Variants in ELP4 observed in about 807,000 individuals in gnomAD.
The protein encoded by ELP4 is elongator complex protein 4.
Under a neutral mutation model 48.9 loss-of-function variants are expected in ELP4, and 51 were observed. That is an observed-to-expected ratio of 1.04 (90% CI 0.83 to 1.32). The LOEUF (loss-of-function observed/expected upper bound fraction) is 1.32, where lower values mean the gene tolerates loss of function less well. Ranked by LOEUF, ELP4 falls within the 40% of genes most tolerant of loss-of-function variation. The pLI, the probability that ELP4 is intolerant of heterozygous loss-of-function variation, is 0.00. For missense variants in ELP4, 519 were observed against 514.6 expected (o/e 1.01, Z -0.08); for synonymous variants, 210 against 189.2 (o/e 1.11, Z -0.90).
intron 6 of ELP4, among the ~76,000 whole-genome samples, chr11:31,630,662 G>A (rs191908567): frequency 3.5e-4 from 54 of 152,146 alleles, no homozygotes; most frequent in Admixed American, 3.0e-3. Flanking sequence ...AAAACTGGCT[G>A]GATGCAGTAT....
intron 3 of ELP4, among the ~76,000 whole-genome samples, chr11:31,594,520 T>C (rs1212716712): frequency 6.6e-6 from 1 of 152,122 alleles, no homozygotes; most frequent in African/African-American, 2.4e-5. Context: ...GCAATTGATT[T>C]TTGTGAGTAT....
rs766021404 is a variant in ELP4, at chr11:31,783,406, C to A, written c.1157C>A (p.Pro386His). 4 of 1,613,178 alleles carry A rather than the reference C, an allele frequency of 2.5e-6. No individual in the cohort carries two copies. The change falls in exon 10 of 10, where the codon CCT becomes CAT. Residue 386 changes from proline (P) to histidine (H), a missense_variant. Pro to His is a moderately conservative substitution (Grantham distance 77, BLOSUM62 -2). Coordinates refer to ENST00000640961, the MANE Select transcript of ELP4 (RefSeq NM_019040.5). ...KLFTIERLHL[P>H]PDLSDTVSRS... ...CTTCTGCCATAGCGACTGCATTTGC[C>A]TCCAGACTTGTCAGACACAGTGAGC...
intron 9 of ELP4, among the ~76,000 whole-genome samples, chr11:31,672,888 C>A (rs2134109469): frequency 6.6e-6 from 1 of 152,250 alleles, no homozygotes; most frequent in Admixed American, 6.5e-5. Flanking sequence ...AAATGACTTC[C>A]ATATAAGTTG....
At chr11:31,632,433 A>G (rs759353093) in intron 7 of ELP4, 28 bp downstream of exon 7, 1 of 1,570,326 alleles carries the variant, frequency 6.4e-7, no homozygotes, top group South Asian at 1.2e-5. Context: ...CTACTTTTTC[A>G]TAATTCATAG....
intron 9 of ELP4, among the ~76,000 whole-genome samples, chr11:31,778,571 A>G (rs1948297035): frequency 6.6e-6 from 1 of 152,254 alleles, no homozygotes; most frequent in African/African-American, 2.4e-5. Context: ...AAATTAGTGT[A>G]GAACTTGATA....
intron 7 of ELP4, among the ~76,000 whole-genome samples, chr11:31,644,571 G>A (rs1437461235): frequency 1.3e-5 from 2 of 151,746 alleles, no homozygotes; most frequent in Admixed American, 1.3e-4. Flanking sequence ...ATTATCCATA[G>A]TGTATTCCTG....
chr11:31,635,982 T>G (rs546358565), intron 7 of ELP4, among the ~76,000 whole-genome samples: 6 of 152,084 alleles, frequency 3.9e-5, no homozygotes, highest in African/African-American at 1.2e-4. Flanking sequence ...ACAAGACTCT[T>G]TAAACATCAT....
At chr11:31,521,876 T>G (rs1430690843) in intron 2 of ELP4, among the ~76,000 whole-genome samples, 1 of 152,170 alleles carries the variant, frequency 6.6e-6, no homozygotes, top group Non-Finnish European at 1.5e-5. Flanking sequence ...ATTTAATCAT[T>G]TTGGTCCTGT....
intron 2 of ELP4, among the ~76,000 whole-genome samples, chr11:31,527,407 C>T (rs1410150575): frequency 6.6e-6 from 1 of 151,890 alleles, no homozygotes; most frequent in African/African-American, 2.4e-5. Flanking sequence ...AACATTTCCT[C>T]CTAAATATCT....
At chr11:31,539,563 G>T in intron 2 of ELP4, 99 bp from the exon 3 acceptor site, 1 of 1,280,120 alleles carries the variant, frequency 7.8e-7, no homozygotes, top group Non-Finnish European at 1.1e-6. Context: ...TTGTTTTAAG[G>T]AAAAAAAATA....
intron 9 of ELP4, among the ~76,000 whole-genome samples, chr11:31,689,829 T>A (rs1225518128): frequency 6.6e-6 from 1 of 152,066 alleles, no homozygotes; most frequent in African/African-American, 2.4e-5. Context: ...ATAATTAGCA[T>A]CTTTCTCATA....
chr11:31,688,811 T>C (rs1198696693), intron 9 of ELP4, among the ~76,000 whole-genome samples: 1 of 152,182 alleles, frequency 6.6e-6, no homozygotes, highest in Non-Finnish European at 1.5e-5. Context: ...AACTTTTACA[T>C]ACATATTAGA....
chr11:31,745,105 CAGAG>C (rs1371333109), intron 9 of ELP4, among the ~76,000 whole-genome samples: 2 of 152,216 alleles, frequency 1.3e-5, no homozygotes, highest in Admixed American at 6.5e-5. Context: ...AACAGACAAA[CAGAG>C]AGCCAAATCA....
intron 8 of ELP4, chr11:31,649,337 A>G (rs1945273632): frequency 6.6e-6 from 1 of 151,672 alleles, no homozygotes; most frequent in African/African-American, 2.4e-5. Flanking sequence ...AAGCTGAGTC[A>G]GGCAGAAAGA....
intron 9 of ELP4, 85 bp from the exon 10 acceptor site, chr11:31,783,308 G>A: frequency 1.6e-6 from 2 of 1,223,706 alleles, no homozygotes; most frequent in South Asian, 2.8e-5. Flanking sequence ...GCATAATATT[G>A]TAATCTGAAG....
At chr11:31,654,767 C>T (rs1945393364) in intron 9 of ELP4, 1 of 151,752 alleles carries the variant, frequency 6.6e-6, no homozygotes, top group African/African-American at 2.4e-5. Context: ...TTTCAGCAGC[C>T]TTTCTAGTTT....
intron 3 of ELP4, among the ~76,000 whole-genome samples, chr11:31,543,727 A>G (rs909148025): frequency 6.6e-6 from 1 of 152,208 alleles, no homozygotes; most frequent in Non-Finnish European, 1.5e-5. Flanking sequence ...GACCAAAGAT[A>G]AGAATGACAG....
intron 5 of ELP4, among the ~76,000 whole-genome samples, chr11:31,611,166 TAG>T (rs898770428): frequency 6.6e-6 from 1 of 152,188 alleles, no homozygotes; most frequent in African/African-American, 2.4e-5. Flanking sequence ...TTTTTCAACA[TAG>T]TACTGTCCAG....
At chr11:31,513,068 T>C (rs1956039263) in intron 1 of ELP4, among the ~76,000 whole-genome samples, 1 of 152,108 alleles carries the variant, frequency 6.6e-6, no homozygotes, top group Non-Finnish European at 1.5e-5. Flanking sequence ...TGTCAAAAAG[T>C]AAACACTAGT....
Sources: allele counts gnomAD v4.1 joint callset (sites outside exome capture counted in the v4.1 genomes callset), GRCh38; gene constraint gnomAD v4.1.1; transcripts MANE v1.5; gene names NCBI Gene and HGNC (gene_info 2026-07-23, HGNC 2026-07-21).